GNG2: variants seen among roughly 807,000 people sequenced by gnomAD.
GNG2 encodes guanine nucleotide-binding protein G(I)/G(S)/G(O) subunit gamma-2.
In GNG2, 5 loss-of-function variants were observed where a neutral mutation model predicts 5.5. The observed-to-expected ratio is 0.91, with a 90% CI of 0.48 to 1.92. The LOEUF (loss-of-function observed/expected upper bound fraction) is 1.92, where lower values mean the gene tolerates loss of function less well. GNG2 is among the 30% of genes most tolerant of loss of function. GNG2 has a pLI of 0.01. For synonymous variants in GNG2, 28 were observed against 32.0 expected, an observed-to-expected ratio of 0.88 and a Z score of 0.42; for missense variants, 55 against 88.4, an observed-to-expected ratio of 0.62 and a Z score of 1.52.
chr14:51,908,535 T>G (rs1450682366), intron 2 of GNG2, among the ~76,000 whole-genome samples: 1 of 38,628 alleles, frequency 2.6e-5, no homozygotes, highest in African/African-American at 8.7e-5. Context: ...AAGATCTATC[T>G]ATCTATCTAT....
At position 51,968,602 on chromosome 14, in the gene GNG2, T is replaced by C. The variant is rs1890053387; in HGVS notation, c.*1915T>C. 1 of 152,128 alleles carries C rather than the reference T, an allele frequency of 6.6e-6. No individual in the cohort carries two copies. Among genetic ancestry groups the C allele is most frequent in the South Asian group, 2.1e-4 (1 of 4,834 alleles). The allele number at this position is 152,128 out of a possible 1,614,324, so 9.4% of individuals were successfully genotyped here. On this transcript the variant is annotated 3_prime_UTR_variant, in exon 4 of 4. Transcript: ENST00000556766. ...CTGTTCTTCTGTTCAAATTGTGGGG[T>C]TTTTGTTACAGTTAGGACGCCCATG...
chr14:51,948,586 G>A (rs963021651), intron 2 of GNG2, among the ~76,000 whole-genome samples: 6 of 152,174 alleles, frequency 3.9e-5, no homozygotes, highest in Non-Finnish European at 8.8e-5. Flanking sequence ...GTCTTCCTAG[G>A]CTGTTAGATG....
At chr14:51,871,602 C>T (rs942791209) in intron 1 of GNG2, among the ~76,000 whole-genome samples, 2 of 152,068 alleles carry the variant, frequency 1.3e-5, no homozygotes, top group Admixed American at 6.5e-5. Context: ...TAGCAAGGTG[C>T]CTGAATTGTA....
At chr14:51,898,837 C>T (rs1864487858) in intron 2 of GNG2, among the ~76,000 whole-genome samples, 1 of 152,216 alleles carries the variant, frequency 6.6e-6, no homozygotes, top group Non-Finnish European at 1.5e-5. Context: ...TCAATTCTCC[C>T]TTCAGTGCTC....
chr14:51,949,100 G>A (rs1198056869), intron 2 of GNG2, among the ~76,000 whole-genome samples: 2 of 146,890 alleles, frequency 1.4e-5, no homozygotes, highest in African/African-American at 5.1e-5. Context: ...CAGCTTGGGC[G>A]ACAGAGGCAG....
chr14:51,840,507 T>C (rs1213570223), intron 2 of GNG2, among the ~76,000 whole-genome samples: 1 of 152,206 alleles, frequency 6.6e-6, no homozygotes, highest in Non-Finnish European at 1.5e-5. Context: ...TTCTCTCCTC[T>C]GTAAATACCT....
chr14:51,826,794 T>G (rs1367571792), intron 1 of GNG2, among the ~76,000 whole-genome samples: 1 of 152,076 alleles, frequency 6.6e-6, no homozygotes, highest in Non-Finnish European at 1.5e-5. Flanking sequence ...TGAATTAGAA[T>G]GGTGAAGTTT....
chr14:51,935,305 G>A (rs532534624), intron 2 of GNG2, among the ~76,000 whole-genome samples: 102 of 151,952 alleles, frequency 6.7e-4, no homozygotes, highest in Non-Finnish European at 7.4e-4. Context: ...GATTACAGGC[G>A]TGAGCCACCA....
chr14:51,840,587 G>A (rs79577156), intron 2 of GNG2, among the ~76,000 whole-genome samples: 2,018 of 152,250 alleles, frequency 0.013, 39 homozygotes, highest in African/African-American at 0.045. Context: ...TTGCTTCTCA[G>A]CCTTGTGCCT....
At chr14:51,945,898 G>GTTGTTTGT (rs142051968) in intron 2 of GNG2, among the ~76,000 whole-genome samples, 46,643 of 151,300 alleles carry the variant, frequency 0.31, 8,133 homozygotes, top group Non-Finnish European at 0.38. Flanking sequence ...CTCACGTTGC[G>GTTGTTTGT]TTGTTTGTTT....
intron 2 of GNG2, among the ~76,000 whole-genome samples, chr14:51,908,551 T>C (rs866044854): frequency 1.4e-5 from 2 of 138,080 alleles, no homozygotes; most frequent in African/African-American, 6.1e-5. Flanking sequence ...TCTATCTATC[T>C]ATCTATCTAT....
chr14:51,849,474 C>T (rs996932098), intron 2 of GNG2, among the ~76,000 whole-genome samples: 13 of 152,128 alleles, frequency 8.5e-5, no homozygotes, highest in African/African-American at 3.1e-4. Flanking sequence ...TCTTGGAGAG[C>T]AAAGCAAAGT....
At chr14:51,882,504 A>G (rs1419839962) in intron 2 of GNG2, among the ~76,000 whole-genome samples, 1 of 152,228 alleles carries the variant, frequency 6.6e-6, no homozygotes, top group Non-Finnish European at 1.5e-5. Flanking sequence ...GAAACCCTTG[A>G]AGGGTAAAAG....
intron 2 of GNG2, among the ~76,000 whole-genome samples, chr14:51,909,151 C>G (rs897702762): frequency 6.6e-6 from 1 of 152,136 alleles, no homozygotes; most frequent in Non-Finnish European, 1.5e-5. Context: ...TTTCTGGCTA[C>G]GTAATATTCC....
At chr14:51,890,418 T>C (rs1884772769) in intron 2 of GNG2, among the ~76,000 whole-genome samples, 1 of 152,208 alleles carries the variant, frequency 6.6e-6, no homozygotes, top group African/African-American at 2.4e-5. Context: ...AGAAAGGTAT[T>C]CTTAACCCAG....
At chr14:51,952,099 T>C in intron 3 of GNG2, 5 of 579,254 alleles carry the variant, frequency 8.6e-6, no homozygotes, top group Non-Finnish European at 1.5e-5. Flanking sequence ...CACTGTCCTA[T>C]GGGAAGGAGT....
At chr14:51,955,205 C>G (rs1013425737) in intron 3 of GNG2, among the ~76,000 whole-genome samples, 2 of 152,106 alleles carry the variant, frequency 1.3e-5, no homozygotes, top group African/African-American at 4.8e-5. Flanking sequence ...CCCAACAGAC[C>G]TTTCCAAGTG....
intron 2 of GNG2, among the ~76,000 whole-genome samples, chr14:51,885,680 G>T (rs1376613900): frequency 1.3e-5 from 2 of 151,838 alleles, no homozygotes; most frequent in African/African-American, 4.8e-5. Flanking sequence ...TTACTTAAAA[G>T]ACCTTTACAG....
intron 1 of GNG2, among the ~76,000 whole-genome samples, chr14:51,870,516 A>G (rs1883228996): frequency 6.6e-6 from 1 of 152,250 alleles, no homozygotes; most frequent in African/African-American, 2.4e-5. Context: ...AATTTGGTCT[A>G]TATAAAAATC....
Sources: allele counts gnomAD v4.1 joint callset (sites outside exome capture counted in the v4.1 genomes callset), GRCh38; gene constraint gnomAD v4.1.1; transcripts MANE v1.5; gene names NCBI Gene and HGNC (gene_info 2026-07-23, HGNC 2026-07-21).